ZMYM3: variants seen among roughly 807,000 people sequenced by gnomAD.
ZMYM3 encodes zinc finger MYM-type containing 3.
Under a neutral mutation model 94.2 loss-of-function variants are expected in ZMYM3, and 6 were observed. The ratio of observed to expected loss-of-function variants is 0.06; its 90% CI spans 0.03 to 0.13. The LOEUF (loss-of-function observed/expected upper bound fraction) is 0.13. Among genes scored for constraint, ZMYM3 ranks in the 10% least tolerant of loss-of-function variants. The pLI, the probability that ZMYM3 is intolerant of heterozygous loss-of-function variation, is 1.00. For missense variants in ZMYM3, 664 were observed against 1,132.6 expected (o/e 0.59, Z 5.94); for synonymous variants, 420 against 426.5 (o/e 0.98, Z 0.19).
chrX:71,249,229 A>G, intron 7 of ZMYM3, 60 bp from the exon 8 acceptor site: 1 of 1,196,289 alleles, frequency 8.4e-7, no homozygotes, highest in Non-Finnish European at 1.1e-6. Flanking sequence ...TTATTTTTTA[A>G]ATGTTTTAAA....
rs2030414555 is a variant in ZMYM3, at chrX:71,250,639, C to T, written c.866G>A (p.Arg289His). The change falls in exon 5 of 25, where the codon CGC becomes CAC. Residue 289 changes from arginine (R) to histidine (H), a missense_variant. Physicochemically the swap from Arg to His is conservative, Grantham distance 29. Coordinates refer to ENST00000314425, the MANE Select transcript of ZMYM3 (RefSeq NM_201599.3). The part of the protein sequence containing the change: ...FVPFRPRRSP[R>H]MSLRSSVSQR... ...TGACACACTTGAGCGTAGGGACATG[C>T]GAGGAGAGCGCCGGGGCCGGAATGG... The T allele has an allele frequency of 5.0e-6, 6 of 1,208,672 alleles. No individual in the cohort carries two copies. Among genetic ancestry groups the T allele is most frequent in the Admixed American group, 2.2e-5 (1 of 45,708 alleles).
chrX:71,243,694 G>A (rs2030042170), intron 21 of ZMYM3, 135 bp downstream of exon 21: 3 of 841,631 alleles, frequency 3.6e-6, no homozygotes, highest in Non-Finnish European at 5.0e-6. Context: ...GGCTTGAAGC[G>A]ATCCTCCTGC....
rs745318321 is a variant in ZMYM3, at chrX:71,248,241, C to A, written c.1896G>T (p.Gln632His). 4.1e-6 allele frequency: 5 copies of A among 1,208,642 alleles called. No homozygotes were observed. In the South Asian group the frequency reaches 5.3e-5, roughly 13 times the overall value. ...DFKRLRGVVS[Q>H]CEHCRQEKLL... ...GTTTCTCCTGCCGACAGTGCTCACACTGGGACACCACACCCCGAAGCCGCT... is the reference window on the plus strand; with the variant it reads ...GTTTCTCCTGCCGACAGTGCTCACAATGGGACACCACACCCCGAAGCCGCT... Residue 632 changes from glutamine to histidine, a missense_variant, in exon 11 of 25, where the codon CAG (glutamine) becomes CAT (histidine). Gln to His is a conservative substitution (Grantham distance 24, BLOSUM62 0). Coordinates refer to ENST00000314425, the MANE Select transcript of ZMYM3 (RefSeq NM_201599.3).
chrX:71,245,127 TAAAA>T (rs5902685), intron 18 of ZMYM3, among the ~76,000 whole-genome samples: 671 of 42,644 alleles, frequency 0.016, 10 homozygotes, highest in African/African-American at 0.056. Flanking sequence ...GCTTAAAAAT[TAAAA>T]AAAAAAAAAA....
chrX:71,244,133 T>C (rs886321597), intron 20 of ZMYM3, among the ~76,000 whole-genome samples, 153 bp from the exon 21 acceptor site: 12 of 110,573 alleles, frequency 1.1e-4, no homozygotes, highest in Non-Finnish European at 2.3e-4. Context: ...CTAGACAGCA[T>C]TTCCCTTTAA....
chrX:71,240,541 A>C lies in ZMYM3; in HGVS notation c.*375T>G, dbSNP rs754472737. 7.1e-6 allele frequency: 1 copy of C among 141,131 alleles called. No homozygotes were observed. Among genetic ancestry groups the C allele is most frequent in the East Asian group, 1.8e-4 (1 of 5,480 alleles). The allele number at this position is 141,131 out of a possible 1,213,427, so 11.6% of individuals were successfully genotyped here. A position where few individuals can be genotyped will look rare whatever the true frequency, so the allele number is the denominator to read the frequency against. On this transcript the variant is annotated 3_prime_UTR_variant, in exon 25 of 25. Transcript: ENST00000314425. ...TTTTCCCTAGGTCATGCCTAGGAAC[A>C]AGAGGCTCTACCTATGCGGGATGGG...
At chrX:71,254,591 C>T (rs1452253457), upstream of ZMYM3, 1 of 109,423 alleles carries the variant, frequency 9.1e-6, no homozygotes. Context: ...CCTCCCCCTC[C>T]CCGTGTCTCT....
upstream of ZMYM3, chrX:71,254,331 C>T (rs1184785595): frequency 5.3e-5 from 6 of 112,689 alleles, no homozygotes; most frequent in Non-Finnish European, 9.4e-5. Flanking sequence ...GCGCCTGAGC[C>T]CCCGCCCGGG....
rs772141814 is a variant in ZMYM3, at chrX:71,245,882, C to T, written c.2686-40G>A. 12 of 1,200,328 alleles carry T rather than the reference C, an allele frequency of 1.0e-5. 1 individual carries two copies. The South Asian group carries it at 2.0e-4, about 20-fold the overall frequency. ...CCCAACTAAATGCCAAGAACCACAC[C>T]AGCAGTTGGGGGGAAGTTGGGGGGA... On this transcript the variant is annotated intron_variant, in intron 16 of 24. Transcript: ENST00000314425.
At position 71,251,618 on chromosome X, in the gene ZMYM3, A is replaced by C; in HGVS notation, c.668-17T>G. On this transcript the variant is annotated splice_polypyrimidine_tract_variant and intron_variant, in intron 2 of 24. Transcript: ENST00000314425. ...GGCCATCTCCTGCAAAGGAAGCAGA[A>C]GGCAGCCTAAATGTTGAGCCTGCCC... 8.5e-7 allele frequency: 1 copy of C among 1,180,631 alleles called. No homozygotes were observed. The highest frequency in any genetic ancestry group is 1.1e-6 in the Non-Finnish European group (1 of 879,780).
Position 71,252,910 on chromosome X carries a change from G to A in ZMYM3, c.346C>T (p.Pro116Ser), listed in dbSNP as rs1386566088. 2 of 1,211,111 alleles carry A rather than the reference G, an allele frequency of 1.7e-6. No individual in the cohort carries two copies. Among genetic ancestry groups the A allele is most frequent in the South Asian group, 3.5e-5 (2 of 56,832 alleles). Residue 116 changes from proline (P) to serine (S), a missense_variant, in exon 2 of 25, where the codon CCA becomes TCA. Physicochemically the swap from Pro to Ser is moderately conservative, Grantham distance 74 (BLOSUM62 -1). This residue lies in a region of ZMYM3 where 196 missense variants were observed against 190.8 expected (regional missense o/e 1.03). Transcript: ENST00000314425. ...ACCACCTCAGGGGTCTGGCCCCCTG[G>A]TCCAGGCTCTAGGGTCTGATCTCCT... ...DAGDQTLEPG[P>S]GGQTPEVVPP...
chrX:71,253,514 G>A (rs2030605354), intron 1 of ZMYM3, among the ~76,000 whole-genome samples: 1 of 97,319 alleles, frequency 1.0e-5, no homozygotes, highest in South Asian at 5.3e-4. Flanking sequence ...CCAGGCAGTC[G>A]GTCGTTCTAC....
At chrX:71,241,535 G>A (rs2029948177) in intron 23 of ZMYM3, among the ~76,000 whole-genome samples, 191 bp from the exon 24 acceptor site, 2 of 111,084 alleles carry the variant, frequency 1.8e-5, no homozygotes, top group Admixed American at 1.9e-4. Context: ...CTGTTGTTAT[G>A]CAACCCTCCC....
Position 71,240,470 on chromosome X carries a change from A to G in ZMYM3, c.*446T>C. 8.3e-6 allele frequency: 1 copy of G among 120,049 alleles called. No individual in the cohort carries two copies. The highest frequency in any genetic ancestry group is 8.8e-5 in the Admixed American group (1 of 11,355). 9.9% of individuals were successfully genotyped at this position (120,049 alleles called of 1,213,427 possible). A position where few individuals can be genotyped will look rare whatever the true frequency, so the allele number is the denominator to read the frequency against. ...AAGACCTTTTGGCATGGTGCTGGGG[A>G]AGAGTAGAGAAGGGAGTGGGCACAG... On this transcript the variant is annotated 3_prime_UTR_variant, in exon 25 of 25. Coordinates refer to ENST00000314425, the MANE Select transcript of ZMYM3 (RefSeq NM_201599.3).
rs745782050 is a variant in ZMYM3 at position 71,242,923 on chromosome X, G to A, written c.3547+47C>T. 5.4e-6 allele frequency: 6 copies of A among 1,112,488 alleles called. No homozygotes were observed. The South Asian group carries it at 1.1e-4, about 21-fold the overall frequency. 91.7% of individuals were successfully genotyped at this position (1,112,488 alleles called of 1,213,427 possible). A position where few individuals can be genotyped will look rare whatever the true frequency, so the allele number is the denominator to read the frequency against. ...ACAGGACTCTCGGGATGGTGGATTG[G>A]AAGAATGGAGAAAGCGGGTAGGGGT... On this transcript the variant is annotated intron_variant, in intron 22 of 24. Transcript: ENST00000314425.
rs73541922 is a variant in ZMYM3, at chrX:71,244,730, G to A, written c.3111+60C>T. Reference sequence around the variant, plus strand: ...AACTATGGTTGCTGGCTTGGCTCTCGCATCATCTCCCCTTTGGGCCTCCAT... The same window carrying A: ...AACTATGGTTGCTGGCTTGGCTCTCACATCATCTCCCCTTTGGGCCTCCAT... On this transcript the variant is annotated intron_variant, in intron 19 of 24. Coordinates refer to ENST00000314425, the MANE Select transcript of ZMYM3 (RefSeq NM_201599.3). 4,536 of 1,014,255 alleles carry A rather than the reference G, an allele frequency of 4.5e-3. 78 individuals are homozygous for A. The African/African-American group carries it at 0.054, about 12-fold the overall frequency. The allele number at this position is 1,014,255 out of a possible 1,213,427, so 83.6% of individuals were successfully genotyped here.
At position 71,239,667 on chromosome X, in the gene ZMYM3, G is replaced by A. The variant is rs1159995477; in HGVS notation, c.*1249C>T. The A allele has an allele frequency of 8.9e-6, 1 of 112,800 alleles. No individual in the cohort carries two copies. Among genetic ancestry groups the A allele is most frequent in the African/African-American group, 3.2e-5 (1 of 30,978 alleles). The allele number at this position is 112,800 out of a possible 1,213,427, so 9.3% of individuals were successfully genotyped here. A position where few individuals can be genotyped will look rare whatever the true frequency, so the allele number is the denominator to read the frequency against. On this transcript the variant is annotated 3_prime_UTR_variant, in exon 25 of 25. Transcript: ENST00000314425. The stretch of plus-strand genomic sequence containing the variant: ...TTTGAAACAAACAATTTCAGAGACA[G>A]AAGGTTAGTCGTGACAACAGCTTCT...
In ZMYM3 at chrX:71,252,680, G is replaced by A. The variant is rs768662397; in HGVS notation, c.576C>T (p.Ser192=). 6.7e-6 allele frequency: 8 copies of A among 1,190,558 alleles called. No individual in the cohort carries two copies. In the Admixed American group the frequency reaches 7.0e-5, roughly 10 times the overall value. The change falls in exon 2 of 25, where the codon AGC becomes AGT. Residue 192 remains serine, a synonymous_variant. Transcript: ENST00000314425. The stretch of plus-strand genomic sequence containing the variant: ...CCCCCAGAGTCTCTCCCACTGAAGG[G>A]CTAGGCGGGGCATTTGGGCTCTGTG... ...GQPQSPNAPP[S]PSVGETLGDG...
Position 71,242,199 on chromosome X carries a change from T to C in ZMYM3, c.3773A>G (p.Tyr1258Cys). 1 of 1,193,538 alleles carries C rather than the reference T, an allele frequency of 8.4e-7. No individual in the cohort carries two copies. The highest frequency in any genetic ancestry group is 1.1e-6 in the Non-Finnish European group (1 of 886,499). The stretch of plus-strand genomic sequence containing the variant: ...CCCTTTCCTCTGGCGGACTGGGGCA[T>C]AGTAGCGGATGCTCACCACCTTGGT... ...GTTKVVSIRY[Y>C]APVRQRKGRD... The change falls in exon 23 of 25, where the codon TAT becomes TGT. Residue 1258 changes from tyrosine (Y) to cysteine (C), a missense_variant. Physicochemically the swap from Tyr to Cys is radical, Grantham distance 194 (BLOSUM62 -2). Around this residue, in one of 9 missense-constraint regions of ZMYM3, gnomAD observed 58 missense variants for 112.4 expected, o/e 0.52. Transcript: ENST00000314425.
Sources: allele counts gnomAD v4.1 joint callset (sites outside exome capture counted in the v4.1 genomes callset), GRCh38; gene constraint gnomAD v4.1.1; regional missense constraint gnomAD v4.1.1; transcripts MANE v1.5; gene names NCBI Gene and HGNC (gene_info 2026-07-23, HGNC 2026-07-21).